The following IWS1 variants were observed in gnomAD, a reference collection of about 807,000 sequenced individuals.
IWS1 encodes interacts with SUPT6H, CTD assembly factor 1.
IWS1 carries 27 observed loss-of-function variants against 86.7 expected under a neutral mutation model. That is an observed-to-expected ratio of 0.31 (90% CI 0.23 to 0.43). The LOEUF (loss-of-function observed/expected upper bound fraction) is 0.43, where lower values mean the gene tolerates loss of function less well. Among genes scored for constraint, IWS1 ranks in the 20% least tolerant of loss-of-function variants. The probability of loss-of-function intolerance (pLI) is 1.00; values close to 1 mark genes in which losing one functional copy is unlikely to be tolerated. For missense variants in IWS1, 827 were observed against 1,000.8 expected, an observed-to-expected ratio of 0.83 and a Z score of 2.34; for synonymous variants, 313 against 335.1, an observed-to-expected ratio of 0.93 and a Z score of 0.72.
At chr2:127,494,840 A>T (rs745858887) in intron 8 of IWS1, 32 bp downstream of exon 8, 1 of 1,271,154 alleles carries the variant, frequency 7.9e-7, no homozygotes, top group South Asian at 1.4e-5. Flanking sequence ...ATGAAAAGGA[A>T]AAAGACATTT....
At chr2:127,486,312 C>T (rs1029375814) in intron 13 of IWS1, 30 of 340,868 alleles carry the variant, frequency 8.8e-5, no homozygotes, top group African/African-American at 6.0e-4. Flanking sequence ...AAGAAACTTC[C>T]CTACCTGATA....
intron 2 of IWS1, among the ~76,000 whole-genome samples, chr2:127,522,519 C>G (rs1370887446): frequency 2.6e-5 from 4 of 152,208 alleles, no homozygotes; most frequent in African/African-American, 9.7e-5. Context: ...AAGTCCAAAG[C>G]ACCTGCAAAA....
Position 127,489,433 on chromosome 2 carries a change from C to T in IWS1, c.2160-198G>A. On this transcript the variant is annotated intron_variant, in intron 11 of 13. Transcript: ENST00000295321. The surrounding 1 kb of genome is among the most constrained non-coding windows in gnomAD (Gnocchi z 4.8). ...ATAACAGGTTTCCTTGTGGATGAGC[C>T]GTAATTGCCACATTTGTAACTAATG... 2 of 564,188 alleles carry T rather than the reference C, an allele frequency of 3.5e-6. No individual in the cohort carries two copies. The highest frequency in any genetic ancestry group is 6.3e-6 in the Non-Finnish European group (2 of 315,800). The allele number at this position is 564,188 out of a possible 1,614,324, so 34.9% of individuals were successfully genotyped here.
chr2:127,482,542 T>TA (rs1689686080), intron 13 of IWS1: 2 of 152,242 alleles, frequency 1.3e-5, no homozygotes, highest in Admixed American at 6.5e-5. Flanking sequence ...TTAGTACTTG[T>TA]ACTTGGTCCA....
chr2:127,495,966 A>T, intron 7 of IWS1, 32 bp downstream of exon 7: 1 of 1,542,854 alleles, frequency 6.5e-7, no homozygotes, highest in Non-Finnish European at 8.7e-7. Context: ...GTGGGAGGAA[A>T]AAAAGGTGAA....
At position 127,515,425 on chromosome 2, in the gene IWS1, A is replaced by G. The variant is rs367751825; in HGVS notation, c.150+8251T>C. On this transcript the variant is annotated intron_variant, in intron 2 of 13. Transcript: ENST00000295321. ...AGGTGTGGCCACAGGCAGGACCCGG[A>G]GGTCCTCACCCATACACACATAGAG... Among the ~76,000 whole-genome samples, 7 of 152,328 alleles carry G rather than the reference A, an allele frequency of 4.6e-5. No individual in the cohort carries two copies. The South Asian group carries it at 1.4e-3, about 32-fold the overall frequency.
At chr2:127,518,898 C>T (rs56261855) in intron 2 of IWS1, among the ~76,000 whole-genome samples, 20,670 of 151,846 alleles carry the variant, frequency 0.14, 1,701 homozygotes, top group South Asian at 0.3. Context: ...TAAAGATCAA[C>T]GTTGGTGCAA....
intron 8 of IWS1, among the ~76,000 whole-genome samples, chr2:127,494,158 T>C (rs1195092542): frequency 6.6e-6 from 1 of 151,310 alleles, no homozygotes; most frequent in African/African-American, 2.4e-5. Context: ...TCCAGTACTT[T>C]GCCTTTGGGG....
intron 1 of IWS1, among the ~76,000 whole-genome samples, chr2:127,525,649 A>G (rs1483658955): frequency 6.6e-6 from 1 of 152,226 alleles, no homozygotes; most frequent in Non-Finnish European, 1.5e-5. Context: ...AACTTCGGTG[A>G]GGAGGAAGAG....
Position 127,505,292 on chromosome 2 carries a change from G to C in IWS1, c.611C>G (p.Pro204Arg). ...TTCAGAATCACTCATTCGAGGTTTG[G>C]GAGGCTCCTCATTTTCGGAGTCACT... is the stretch of plus-strand genomic sequence containing the variant. ...QASDSENEEP[P>R]KPRMSDSESE... The change falls in exon 3 of 14, where the codon CCC becomes CGC. Residue 204 changes from proline (P) to arginine (R), a missense_variant. This residue lies in a region of IWS1 where 548 missense variants were observed against 560.2 expected (regional missense o/e 0.98). Coordinates refer to ENST00000295321, the MANE Select transcript of IWS1 (RefSeq NM_017969.3). This position sits in a 1 kb window ranked among gnomAD's most constrained non-coding sequence, Gnocchi z 5.0. 6.2e-7 allele frequency: 1 copy of C among 1,613,004 alleles called. No homozygotes were observed. Among genetic ancestry groups the C allele is most frequent in the Admixed American group, 1.7e-5 (1 of 59,914 alleles).
chr2:127,506,071 T>C lies in IWS1; in HGVS notation c.151-319A>G, dbSNP rs570277011. Among the ~76,000 whole-genome samples, 3 of 152,320 alleles carry C rather than the reference T, an allele frequency of 2.0e-5. No individual in the cohort carries two copies. In the South Asian group the frequency reaches 6.2e-4, roughly 32 times the overall value. ...TTTAAAAGGCGAATTTTCTCATACATACTTCTGTTTTGTAAAAATATAACT... is the reference window on the plus strand; with the variant it reads ...TTTAAAAGGCGAATTTTCTCATACACACTTCTGTTTTGTAAAAATATAACT... On this transcript the variant is annotated intron_variant, in intron 2 of 13. Transcript: ENST00000295321.
upstream of IWS1, chr2:127,526,800 ACT>A: frequency 1.2e-6 from 1 of 817,952 alleles, no homozygotes; most frequent in South Asian, 1.4e-5. Context: ...CAGCCAAACC[ACT>A]GTCTTTCCCG....
intron 2 of IWS1, among the ~76,000 whole-genome samples, chr2:127,506,353 G>C (rs1416716573): frequency 6.6e-6 from 1 of 152,072 alleles, no homozygotes; most frequent in African/African-American, 2.4e-5. Flanking sequence ...GGGTGACAGA[G>C]TGAGACTGTC....
In IWS1 at chr2:127,503,498, T is replaced by C. The variant is rs746449177; in HGVS notation, c.1298A>G (p.Glu433Gly). 3 of 1,613,726 alleles carry C rather than the reference T, an allele frequency of 1.9e-6. No homozygotes were observed. The highest frequency in any genetic ancestry group is 2.2e-5 in the South Asian group (2 of 91,054). The change falls in exon 4 of 14, where the codon GAG (glutamate) becomes GGG (glycine). Residue 433 changes from glutamate (E) to glycine (G), a missense_variant. This residue lies in a region of IWS1 where 548 missense variants were observed against 560.2 expected (regional missense o/e 0.98). Transcript: ENST00000295321. ...DAVSDKSGKR[E>G]KTIASDSEEE... ...CTCACTGTCAGATGCTATGGTCTTCTCTCTTTTGCCTGACTTGTCTGATAC... is the reference window on the plus strand; with the variant it reads ...CTCACTGTCAGATGCTATGGTCTTCCCTCTTTTGCCTGACTTGTCTGATAC...
rs139292774 is a variant in IWS1 at position 127,480,994 on chromosome 2, G to A, written c.*50C>T. On this transcript the variant is annotated 3_prime_UTR_variant, in exon 14 of 14. Coordinates refer to ENST00000295321, the MANE Select transcript of IWS1 (RefSeq NM_017969.3). Reference sequence around the variant, plus strand: ...TTAAAATATCTTCTTTCTCCAAAGAGTCCATTGCGCATTTCTTAGAGTAGA... The same window carrying A: ...TTAAAATATCTTCTTTCTCCAAAGAATCCATTGCGCATTTCTTAGAGTAGA... The A allele has an allele frequency of 6.4e-7, 1 of 1,561,826 alleles. No individual in the cohort carries two copies. The highest frequency in any genetic ancestry group is 1.4e-5 in the African/African-American group (1 of 72,386).
At chr2:127,503,669 A>AAAATAAATAAATAAAT (rs3033265) in intron 3 of IWS1, 93 bp from the exon 4 acceptor site, 92 of 285,342 alleles carry the variant, frequency 3.2e-4, no homozygotes, top group African/African-American at 1.8e-3. Flanking sequence ...GTATACAGCA[A>AAAATAAATAAATAAAT]AAATAAATAA....
At chr2:127,523,538 T>G (rs1306484194) in intron 2 of IWS1, 138 bp downstream of exon 2, 4 of 581,634 alleles carry the variant, frequency 6.9e-6, no homozygotes, top group Non-Finnish European at 1.2e-5. Context: ...TTCAAGCGGT[T>G]TTCTATTAAC....
chr2:127,491,900 CT>C (rs1246248882), intron 10 of IWS1, 70 bp downstream of exon 10: 3 of 911,994 alleles, frequency 3.3e-6, no homozygotes, highest in East Asian at 4.8e-5. Context: ...AAAAATACAG[CT>C]TTTATATATA....
chr2:127,508,407 G>C (rs1333142690), intron 2 of IWS1, among the ~76,000 whole-genome samples: 1 of 152,188 alleles, frequency 6.6e-6, no homozygotes, highest in Admixed American at 6.5e-5. Context: ...TGATGGCTGA[G>C]TTAAGACGGG....
Sources: allele counts gnomAD v4.1 joint callset (sites outside exome capture counted in the v4.1 genomes callset), GRCh38; gene constraint gnomAD v4.1.1; regional missense constraint gnomAD v4.1.1; non-coding constraint Gnocchi (gnomAD v3.1); transcripts MANE v1.5; gene names NCBI Gene and HGNC (gene_info 2026-07-23, HGNC 2026-07-21).